Variants in TNRC6B observed in about 807,000 individuals in gnomAD.
TNRC6B encodes the protein trinucleotide repeat-containing gene 6B protein.
Under a neutral mutation model 203.6 loss-of-function variants are expected in TNRC6B, and 52 were observed. That is an observed-to-expected ratio of 0.26 (90% CI 0.20 to 0.32). TNRC6B has a LOEUF of 0.32. TNRC6B is among the 10% of genes least tolerant of loss of function. The pLI, the probability that TNRC6B is intolerant of heterozygous loss-of-function variation, is 1.00. For synonymous variants in TNRC6B, 838 were observed against 845.7 expected (o/e 0.99, Z 0.16); for missense variants, 1,923 against 2,286.2 (o/e 0.84, Z 3.24).
intron 4 of TNRC6B, among the ~76,000 whole-genome samples, chr22:40,166,517 C>T (rs1181568102): frequency 6.6e-6 from 1 of 151,528 alleles, no homozygotes; most frequent in Non-Finnish European, 1.5e-5. Flanking sequence ...TTCAGTGCTT[C>T]CTATAGCATG....
Position 40,264,949 on chromosome 22 carries a change from G to A in TNRC6B, c.719G>A (p.Gly240Glu). ...CCAGGAAGCACCACTAGTAACAAAG[G>A]AAAAGGGAGCCAGTGCCAGTCTGCA... ...TLPGSTTSNK[G>E]KGSQCQSASS... Residue 240 changes from glycine to glutamate, a missense_variant, in exon 5 of 23, where the codon GGA becomes GAA. This residue lies in a region of TNRC6B where 614 missense variants were observed against 587.7 expected (regional missense o/e 1.04). Coordinates refer to ENST00000454349, the MANE Select transcript of TNRC6B (RefSeq NM_001162501.2). The A allele has an allele frequency of 1.2e-6, 2 of 1,613,952 alleles. No homozygotes were observed. The highest frequency in any genetic ancestry group is 1.7e-5 in the Admixed American group (1 of 60,010).
At chr22:40,103,327 C>T (rs1056224822) in intron 1 of TNRC6B, among the ~76,000 whole-genome samples, 2 of 151,516 alleles carry the variant, frequency 1.3e-5, no homozygotes, top group Non-Finnish European at 2.9e-5. Flanking sequence ...AGTTTTAGAA[C>T]ATTTCCGTCA....
In TNRC6B at chr22:40,323,202, A is replaced by G. The variant is rs937344344; in HGVS notation, c.5463A>G (p.Leu1821=). The G allele has an allele frequency of 9.3e-6, 15 of 1,613,228 alleles. No homozygotes were observed. The highest frequency in any genetic ancestry group is 1.3e-5 in the Non-Finnish European group (15 of 1,179,842). The change falls in exon 23 of 23, where the codon CTA becomes CTG. Residue 1821 remains leucine, a synonymous_variant. Coordinates refer to ENST00000454349, the MANE Select transcript of TNRC6B (RefSeq NM_001162501.2). ...PHRMGSPAPL[L]PGDLLGGGSD... is the part of the protein sequence containing the mutation. ...GGATGGGCAGCCCTGCTCCTTTACTACCTGGTGACCTTCTGGGAGGAGGGT... is the reference window on the plus strand; with the variant it reads ...GGATGGGCAGCCCTGCTCCTTTACTGCCTGGTGACCTTCTGGGAGGAGGGT...
At chr22:40,250,525 G>A (rs1235675090) in intron 2 of TNRC6B, among the ~76,000 whole-genome samples, 1 of 151,908 alleles carries the variant, frequency 6.6e-6, no homozygotes, top group Non-Finnish European at 1.5e-5. Context: ...TCTTACTGCT[G>A]TACTTCATGC....
chr22:40,146,772 C>G (rs547105395), intron 3 of TNRC6B, among the ~76,000 whole-genome samples: 12 of 152,260 alleles, frequency 7.9e-5, no homozygotes, highest in Middle Eastern at 3.4e-3. Flanking sequence ...GCCATGTTGG[C>G]TAGGCTGGCC....
chr22:40,251,145 A>G (rs1185560143), intron 2 of TNRC6B, 34 bp from the exon 3 acceptor site: 1 of 1,523,736 alleles, frequency 6.6e-7, no homozygotes, highest in South Asian at 1.2e-5. Flanking sequence ...ATTAAAAAGC[A>G]AATCTCATTT....
At chr22:40,177,545 A>G (rs2069074982), upstream of TNRC6B, among the ~76,000 whole-genome samples, 2 of 152,212 alleles carry the variant, frequency 1.3e-5, no homozygotes, top group Admixed American at 1.3e-4. Flanking sequence ...CTTGTTTGGT[A>G]GAGCTGTGTT....
chr22:40,154,857 AAAAATATATATATATAT>A (rs1198673037), intron 3 of TNRC6B, among the ~76,000 whole-genome samples: 2 of 42,362 alleles, frequency 4.7e-5, no homozygotes, highest in Admixed American at 2.9e-4. Flanking sequence ...AAAAAAAAAA[AAAAATATATATATATAT>A]ATATATATAT....
At chr22:40,210,838 G>T (rs1227918895) in intron 1 of TNRC6B, among the ~76,000 whole-genome samples, 1 of 152,132 alleles carries the variant, frequency 6.6e-6, no homozygotes, top group African/African-American at 2.4e-5. Flanking sequence ...GACATTTGGG[G>T]CTGGGTAATT....
At chr22:40,099,300 C>T (rs2068213600) in intron 1 of TNRC6B, among the ~76,000 whole-genome samples, 1 of 151,724 alleles carries the variant, frequency 6.6e-6, no homozygotes. Context: ...GAATATATAG[C>T]TTCCTGTTCT....
rs2071122405 is a variant in TNRC6B, at chr22:40,308,406, CTG to C, written c.4121-103_4121-102del. The C allele has an allele frequency of 2.3e-6, 3 of 1,306,586 alleles. No homozygotes were observed. The East Asian group carries it at 6.9e-5, about 30-fold the overall frequency. The allele number at this position is 1,306,586 out of a possible 1,614,324, so 80.9% of individuals were successfully genotyped here. ...ATACCTGTTTCTGAGTGGAGAAACT[CTG>C]TGAATTAGTCTTTGAATGACACTTG... is the stretch of plus-strand genomic sequence containing the variant. On this transcript the variant is annotated intron_variant, in intron 15 of 22. Coordinates refer to ENST00000454349, the MANE Select transcript of TNRC6B (RefSeq NM_001162501.2).
intron 15 of TNRC6B, among the ~76,000 whole-genome samples, chr22:40,303,074 G>A (rs1219787487): frequency 1.5e-5 from 2 of 136,888 alleles, no homozygotes; most frequent in Non-Finnish European, 3.1e-5. Context: ...TTTTGAGGCG[G>A]AGTCTCACTC....
intron 1 of TNRC6B, among the ~76,000 whole-genome samples, chr22:40,116,043 C>T (rs1202854768): frequency 2.0e-5 from 3 of 152,170 alleles, no homozygotes; most frequent in Non-Finnish European, 4.4e-5. Context: ...ATAGAGGGGA[C>T]GACAGATAGC....
Position 40,112,057 on chromosome 22 carries a change from G to A in TNRC6B, c.-120-4998G>A, listed in dbSNP as rs911075460. 7.2e-5 allele frequency among the ~76,000 whole-genome samples: 11 copies of A among 152,094 alleles called. 1 individual carries two copies. In the East Asian group the frequency reaches 1.9e-3, roughly 27 times the overall value. On this transcript the variant is annotated intron_variant, in intron 1 of 23. Coordinates refer to the TNRC6B transcript ENST00000301923. ...AGAGGTTGTAGTGAACCAAGATCGC[G>A]CCACTGCACTCCAGCCTGGGCAACA...
chr22:40,178,284 CGTGATGT>C, intron 1 of TNRC6B, 144 bp downstream of exon 1: 1 of 879,922 alleles, frequency 1.1e-6, no homozygotes, highest in Non-Finnish European at 1.7e-6. Flanking sequence ...AAATCAGACC[CGTGATGT>C]ACTTTGGTTC....
In TNRC6B at chr22:40,299,161, A is replaced by C. The variant is rs867284024; in HGVS notation, c.3709-1294A>C. On this transcript the variant is annotated intron_variant, in intron 12 of 22. Coordinates refer to ENST00000454349, the MANE Select transcript of TNRC6B (RefSeq NM_001162501.2). ...CCCTGTCTCAAAAAAAAAAAAACAAAAAAAAAAAAAAAACAAAACTGGGGA... is the reference window on the plus strand; with the variant it reads ...CCCTGTCTCAAAAAAAAAAAAACAACAAAAAAAAAAAAACAAAACTGGGGA... Among the ~76,000 whole-genome samples the C allele has an allele frequency of 2.0e-4, 30 of 151,356 alleles. No individual in the cohort carries two copies. The South Asian group carries it at 2.1e-3, about 10-fold the overall frequency.
At chr22:40,069,087 C>G (rs2067923221) in intron 1 of TNRC6B, among the ~76,000 whole-genome samples, 1 of 151,884 alleles carries the variant, frequency 6.6e-6, no homozygotes, top group African/African-American at 2.4e-5. Context: ...AGGACCTAGC[C>G]ACAAATTTGC....
At chr22:40,186,412 G>A (rs975544718) in intron 1 of TNRC6B, among the ~76,000 whole-genome samples, 15 of 152,102 alleles carry the variant, frequency 9.9e-5, no homozygotes, top group African/African-American at 2.7e-4. Flanking sequence ...TGCAAGCCAC[G>A]TGTGTTATTT....
chr22:40,214,475 T>G (rs146764275), intron 1 of TNRC6B, among the ~76,000 whole-genome samples: 7 of 152,252 alleles, frequency 4.6e-5, no homozygotes, highest in African/African-American at 1.4e-4. Flanking sequence ...ATGTAAGATA[T>G]TACCATTAGG....
Sources: gnomAD v4.1 joint callset for allele counts (sites outside exome capture counted in the v4.1 genomes callset) on GRCh38, gnomAD v4.1.1 for gene constraint, gnomAD v4.1.1 regional missense constraint, MANE v1.5 for transcripts, NCBI Gene and HGNC (gene_info 2026-07-23, HGNC 2026-07-21) for gene names.